The following ARHGEF6 variants were observed in gnomAD, a reference collection of about 807,000 sequenced individuals.
ARHGEF6 encodes the protein rho guanine nucleotide exchange factor 6.
A neutral mutation model predicts 70.3 loss-of-function variants in ARHGEF6; 9 were observed. That is an observed-to-expected ratio of 0.13 (90% CI 0.08 to 0.22). The LOEUF (loss-of-function observed/expected upper bound fraction) is 0.22, where lower values mean the gene tolerates loss of function less well. Ranked by LOEUF, ARHGEF6 falls within the 10% of genes least tolerant of loss-of-function variation. ARHGEF6 has a pLI of 1.00. For synonymous variants in ARHGEF6, 201 were observed against 207.8 expected (o/e 0.97, Z 0.28); for missense variants, 470 against 563.0 (o/e 0.83, Z 1.67).
intron 5 of ARHGEF6, among the ~76,000 whole-genome samples, chrX:136,738,620 C>T (rs1161855277): frequency 6.2e-5 from 7 of 112,376 alleles, no homozygotes; most frequent in Non-Finnish European, 1.3e-4. Context: ...TCTTACACTA[C>T]AGTATGAACA....
intron 2 of ARHGEF6, among the ~76,000 whole-genome samples, chrX:136,777,107 C>G (rs2077411905): frequency 9.0e-6 from 1 of 110,521 alleles, no homozygotes; most frequent in South Asian, 3.8e-4. Context: ...CGCCTGTATT[C>G]CCAGCTACTC....
At chrX:136,718,054 A>G (rs1164210884) in intron 6 of ARHGEF6, among the ~76,000 whole-genome samples, 6 of 111,812 alleles carry the variant, frequency 5.4e-5, no homozygotes, top group East Asian at 2.8e-4. Context: ...AAATGTACCA[A>G]TGAAAAGACA....
chrX:136,770,605 G>A (rs888767048), intron 2 of ARHGEF6, among the ~76,000 whole-genome samples: 3 of 112,266 alleles, frequency 2.7e-5, no homozygotes, highest in African/African-American at 9.7e-5. Flanking sequence ...TTCACCAATG[G>A]CATACTCTTG....
intron 5 of ARHGEF6, among the ~76,000 whole-genome samples, chrX:136,738,474 G>C (rs73633849): frequency 8.9e-6 from 1 of 112,436 alleles, no homozygotes; most frequent in African/African-American, 3.2e-5. Context: ...AGACAAGACA[G>C]TATACAAAGA....
At chrX:136,686,120 A>G (rs934846432) in intron 11 of ARHGEF6, among the ~76,000 whole-genome samples, 5 of 112,556 alleles carry the variant, frequency 4.4e-5, no homozygotes, top group African/African-American at 1.6e-4. Flanking sequence ...TGGGAAAGCA[A>G]GCAGCCAAAT....
At chrX:136,704,991 G>A (rs139137871) in intron 9 of ARHGEF6, among the ~76,000 whole-genome samples, 132 of 111,796 alleles carry the variant, frequency 1.2e-3, no homozygotes, top group African/African-American at 4.2e-3. Context: ...AAAATAAATT[G>A]GTGCAGTGAC....
In ARHGEF6 at chrX:136,767,291, C is replaced by A. The variant is rs1007183788; in HGVS notation, c.249+12123G>T. On this transcript the variant is annotated intron_variant, in intron 2 of 21. Coordinates refer to ENST00000250617, the MANE Select transcript of ARHGEF6 (RefSeq NM_004840.3). ...TGCCAAGGCTGCGGGAACAGATCAA[C>A]CCAGCCGGAGCTGGGACCCTGCCCT... The A allele has an allele frequency of 1.1e-5, 8 of 753,532 alleles. No homozygotes were observed. The African/African-American group carries it at 1.8e-4, about 17-fold the overall frequency. The allele number at this position is 753,532 out of a possible 1,213,427, so 62.1% of individuals were successfully genotyped here.
intron 20 of ARHGEF6, 104 bp downstream of exon 20, chrX:136,671,913 AAGG>A (rs2076228824): frequency 1.6e-6 from 1 of 638,080 alleles, no homozygotes; most frequent in Non-Finnish European, 2.6e-6. Flanking sequence ...ATTCCCAGGT[AAGG>A]AGGAGTTGTC....
At chrX:136,698,524 G>T (rs1167134546) in intron 9 of ARHGEF6, among the ~76,000 whole-genome samples, 1 of 111,752 alleles carries the variant, frequency 8.9e-6, no homozygotes, top group African/African-American at 3.3e-5. Context: ...AGAACAACTC[G>T]TCATGGGCTA....
intron 18 of ARHGEF6, among the ~76,000 whole-genome samples, chrX:136,675,661 A>G (rs1007665385): frequency 3.7e-5 from 4 of 108,910 alleles, no homozygotes; most frequent in Non-Finnish European, 7.7e-5. Flanking sequence ...GACTACAGGC[A>G]CCCGCCACCA....
intron 2 of ARHGEF6, among the ~76,000 whole-genome samples, chrX:136,761,566 G>C (rs2077263832): frequency 8.9e-6 from 1 of 112,576 alleles, no homozygotes; most frequent in Admixed American, 9.4e-5. Flanking sequence ...GTGAGTGAAA[G>C]ATGCTAATAA....
intron 2 of ARHGEF6, 89 bp from the exon 3 acceptor site, chrX:136,747,681 CCG>C: frequency 7.8e-6 from 2 of 256,296 alleles, no homozygotes; most frequent in Non-Finnish European, 6.4e-6. Flanking sequence ...CTCCAGCTCT[CCG>C]GAAAAAAAAA....
rs2148558043 is a variant in ARHGEF6, at chrX:136,666,903, G to A, written c.*1126C>T. The A allele has an allele frequency of 8.9e-6, 1 of 112,073 alleles. No homozygotes were observed. The highest frequency in any genetic ancestry group is 3.7e-4 in the South Asian group (1 of 2,690). The allele number at this position is 112,073 out of a possible 1,213,427, so 9.2% of individuals were successfully genotyped here. On this transcript the variant is annotated 3_prime_UTR_variant, in exon 22 of 22. Transcript: ENST00000250617. ...CAAGTTGGACCAGAAGCATATTTCT[G>A]CAAATACTGCTTAGAGTCCCACCCA...
intron 6 of ARHGEF6, among the ~76,000 whole-genome samples, chrX:136,726,558 T>C (rs1670184336): frequency 1.8e-5 from 2 of 110,328 alleles, no homozygotes; most frequent in South Asian, 7.7e-4. Flanking sequence ...AGAGAGAAAA[T>C]GAGGGTGAGC....
At chrX:136,725,897 T>G (rs951290595) in intron 6 of ARHGEF6, among the ~76,000 whole-genome samples, 1 of 112,169 alleles carries the variant, frequency 8.9e-6, no homozygotes, top group Non-Finnish European at 1.9e-5. Flanking sequence ...CTATTGATTT[T>G]CCAATAAAAC....
intron 9 of ARHGEF6, among the ~76,000 whole-genome samples, chrX:136,697,680 T>A (rs759340201): frequency 2.1e-4 from 24 of 112,424 alleles, no homozygotes; most frequent in Non-Finnish European, 4.1e-4. Context: ...GAGATTGTAC[T>A]CTGTGAGCGA....
intron 3 of ARHGEF6, 136 bp from the exon 4 acceptor site, chrX:136,745,483 A>C (rs2077086923): frequency 7.1e-6 from 6 of 847,560 alleles, no homozygotes; most frequent in Non-Finnish European, 1.0e-5. Context: ...TGAACATGCC[A>C]AGTGTATTTC....
At chrX:136,755,116 G>A (rs902476967) in intron 2 of ARHGEF6, among the ~76,000 whole-genome samples, 3 of 112,184 alleles carry the variant, frequency 2.7e-5, no homozygotes, top group African/African-American at 6.5e-5. Context: ...CATAATCACC[G>A]TGTTGAGCCT....
intron 2 of ARHGEF6, among the ~76,000 whole-genome samples, chrX:136,757,704 T>C (rs907502452): frequency 4.5e-5 from 5 of 112,320 alleles, no homozygotes; most frequent in Non-Finnish European, 9.4e-5. Context: ...CTCTAGATTC[T>C]GGAACCACTA....
Sources: gnomAD v4.1 joint callset for allele counts (sites outside exome capture counted in the v4.1 genomes callset) on GRCh38, gnomAD v4.1.1 for gene constraint, MANE v1.5 for transcripts, NCBI Gene and HGNC (gene_info 2026-07-23, HGNC 2026-07-21) for gene names.